Variants in AARS1 observed in about 807,000 individuals in gnomAD.
AARS1 encodes alanine--tRNA ligase, cytoplasmic.
A neutral mutation model predicts 108.9 loss-of-function variants in AARS1; 72 were observed. The ratio of observed to expected loss-of-function variants is 0.66; its 90% CI spans 0.55 to 0.80. The LOEUF is 0.80. AARS1 is among the 30% of genes least tolerant of loss of function. The pLI, the probability that AARS1 is intolerant of heterozygous loss-of-function variation, is 0.00. For missense variants in AARS1, 1,193 were observed against 1,233.2 expected, an observed-to-expected ratio of 0.97 and a Z score of 0.49; for synonymous variants, 489 against 465.7, an observed-to-expected ratio of 1.05 and a Z score of -0.64.
chr16:70,277,222 A>G, intron 2 of AARS1, 68 bp from the exon 3 acceptor site: 1 of 1,467,684 alleles, frequency 6.8e-7, no homozygotes, highest in South Asian at 1.1e-5. Context: ...ACACACTAGC[A>G]GGAAGAGACG....
intron 4 of AARS1, among the ~76,000 whole-genome samples, chr16:70,274,022 C>CA (rs1567609389): frequency 1.3e-5 from 2 of 150,502 alleles, no homozygotes; most frequent in African/African-American, 2.4e-5. Flanking sequence ...GACCCTGTCT[C>CA]AAAAAAACGA....
intron 2 of AARS1, among the ~76,000 whole-genome samples, chr16:70,282,316 G>C (rs148545126): frequency 1.6e-5 from 2 of 123,234 alleles, no homozygotes; most frequent in Non-Finnish European, 3.2e-5. Flanking sequence ...ATGACAGAGC[G>C]AGACTCCGTC....
At chr16:70,287,037 G>A (rs775204) in intron 1 of AARS1, among the ~76,000 whole-genome samples, 2 of 151,560 alleles carry the variant, frequency 1.3e-5, no homozygotes, top group African/African-American at 2.4e-5. Flanking sequence ...GGATCACGAG[G>A]TCAGGAGATC....
rs1597446167 is a variant in AARS1 at position 70,276,966 on chromosome 16, C to T, written c.333G>A (p.Lys111=). The T allele has an allele frequency of 6.2e-7, 1 of 1,614,098 alleles. No homozygotes were observed. The highest frequency in any genetic ancestry group is 8.5e-7 in the Non-Finnish European group (1 of 1,180,024). Residue 111 remains lysine, a splice_region_variant and synonymous_variant, in exon 3 of 21, where the codon AAG becomes AAA. Transcript: ENST00000261772. ...LGSWSFGDYF[K]ELACKMALEL... Reference sequence around the variant, plus strand: ...AGTGGTTCTTCTGCTCTGAACTTACCTTAAAGTAATCTCCAAAAGACCAAG... The same window carrying T: ...AGTGGTTCTTCTGCTCTGAACTTACTTTAAAGTAATCTCCAAAAGACCAAG...
rs753398944 is a variant in AARS1, at chr16:70,259,175, T to C, written c.1797A>G (p.Arg599=). The C allele has an allele frequency of 2.5e-6, 4 of 1,614,034 alleles. No homozygotes were observed. Among genetic ancestry groups the C allele is most frequent in the Non-Finnish European group, 3.4e-6 (4 of 1,180,014 alleles). The change falls in exon 14 of 21, where the codon AGA becomes AGG. Residue 599 remains arginine (R), a synonymous_variant. Transcript: ENST00000261772. ...TAGCTGTGTGGTTGCTCATGATGGG[T>C]CTTCGTCGGGGCTGGAAAGGGCAGA... The part of the protein sequence containing the change: ...VWLFIDEPRR[R]PIMSNHTATH...
intron 4 of AARS1, among the ~76,000 whole-genome samples, chr16:70,272,506 CAAAAAAAAAAAAAAAAAAA>C (rs34129241): frequency 5.9e-5 from 1 of 17,024 alleles, no homozygotes; most frequent in East Asian, 2.4e-3. Flanking sequence ...AACTCCATCT[CAAAAAAAAAAAAAAAAAAA>C]AAAAAAAAAA....
Position 70,273,901 on chromosome 16 carries a change from G to A in AARS1, c.480-1929C>T, listed in dbSNP as rs1293798262. On this transcript the variant is annotated intron_variant, in intron 4 of 20. Coordinates refer to ENST00000261772, the MANE Select transcript of AARS1 (RefSeq NM_001605.3). ...AAAAAAAAAAAAATTAGCCAGGCAG[G>A]TGGCGAATGCTTCTAGTCCTAGTTA... Among the ~76,000 whole-genome samples, 4 of 149,956 alleles carry A rather than the reference G, an allele frequency of 2.7e-5. No homozygotes were observed. In the Admixed American group the frequency reaches 2.7e-4, roughly 10 times the overall value.
chr16:70,265,143 G>C, intron 10 of AARS1, 41 bp from the exon 11 acceptor site: 1 of 1,612,272 alleles, frequency 6.2e-7, no homozygotes, highest in South Asian at 1.1e-5. Context: ...CGTAAAGTAG[G>C]AGAAAAGGGA....
In AARS1 at chr16:70,277,004, C is replaced by T. The variant is rs777170136; in HGVS notation, c.295G>A (p.Glu99Lys). The change falls in exon 3 of 21, where the codon GAG becomes AAG. Residue 99 changes from glutamate (E) to lysine (K), a missense_variant. Glu to Lys is a moderately conservative substitution (Grantham distance 56, BLOSUM62 1). Transcript: ENST00000261772. ...CCAAAAGACCAAGAGCCCAGCATCT[C>T]GAAGAAGGTGTGATGATAGACATCC... ...GKDVYHHTFFEMLGSWSFGDY... is the reference protein window; with the variant it reads ...GKDVYHHTFFKMLGSWSFGDY... 6 of 1,614,014 alleles carry T rather than the reference C, an allele frequency of 3.7e-6. No homozygotes were observed. The highest frequency in any genetic ancestry group is 5.1e-6 in the Non-Finnish European group (6 of 1,180,046).
intron 7 of AARS1, among the ~76,000 whole-genome samples, chr16:70,269,243 T>G (rs1051263458): frequency 2.1e-5 from 3 of 142,994 alleles, no homozygotes; most frequent in South Asian, 4.3e-4. Flanking sequence ...TTGCTTGAAC[T>G]CAGGAGGTGG....
intron 6 of AARS1, 88 bp downstream of exon 6, chr16:70,270,108 T>C (rs1169643465): frequency 4.6e-6 from 7 of 1,517,796 alleles, no homozygotes; most frequent in Non-Finnish European, 6.4e-6. Context: ...TGGCAAAGCA[T>C]ATGGTCATTT....
intron 2 of AARS1, among the ~76,000 whole-genome samples, chr16:70,278,610 T>C (rs868198674): frequency 1.5e-4 from 23 of 151,808 alleles, no homozygotes; most frequent in African/African-American, 5.1e-4. Context: ...TTAGAAATTC[T>C]GTTCCTCAGT....
At chr16:70,288,110 T>C in intron 1 of AARS1, among the ~76,000 whole-genome samples, 1 of 142,696 alleles carries the variant, frequency 7.0e-6, no homozygotes, top group Admixed American at 7.0e-5. Context: ...TTTTTTTTTT[T>C]TTTTTTTTTT....
At chr16:70,284,984 C>CT (rs1424188659) in intron 1 of AARS1, among the ~76,000 whole-genome samples, 1 of 152,184 alleles carries the variant, frequency 6.6e-6, no homozygotes, top group Non-Finnish European at 1.5e-5. Flanking sequence ...AATCCCAGCA[C>CT]TTTGGGAGGC....
chr16:70,276,882 A>G (rs1960564761), intron 3 of AARS1, 84 bp downstream of exon 3: 2 of 1,493,810 alleles, frequency 1.3e-6, no homozygotes, highest in Admixed American at 3.4e-5. Context: ...CATATTTTAA[A>G]ACATGCAAAA....
chr16:70,253,850 C>G, intron 18 of AARS1, 50 bp from the exon 19 acceptor site: 2 of 1,614,190 alleles, frequency 1.2e-6, no homozygotes, highest in Non-Finnish European at 1.7e-6. Context: ...GCCCAGGCCC[C>G]GAACCCCTGG....
At chr16:70,257,451 A>G (rs560079289) in intron 15 of AARS1, among the ~76,000 whole-genome samples, 12 of 152,278 alleles carry the variant, frequency 7.9e-5, no homozygotes, top group Admixed American at 5.2e-4. Flanking sequence ...TTCTTTTCAC[A>G]AGGCTTCATT....
At chr16:70,266,981 C>T (rs936574558) in intron 9 of AARS1, among the ~76,000 whole-genome samples, 1 of 152,072 alleles carries the variant, frequency 6.6e-6, no homozygotes, top group Non-Finnish European at 1.5e-5. Context: ...GGATTACAGG[C>T]GCATGCCACC....
At chr16:70,282,559 T>C (rs565910268) in intron 2 of AARS1, 61 bp downstream of exon 2, 2 of 1,601,662 alleles carry the variant, frequency 1.2e-6, no homozygotes, top group East Asian at 2.2e-5. Context: ...GCTGTGCTTT[T>C]ATCTGGGCTC....
Sources: gnomAD v4.1 joint callset for allele counts (sites outside exome capture counted in the v4.1 genomes callset) on GRCh38, gnomAD v4.1.1 for gene constraint, MANE v1.5 for transcripts, NCBI Gene and HGNC (gene_info 2026-07-23, HGNC 2026-07-21) for gene names.